TOM1L1: variants seen among roughly 807,000 people sequenced by gnomAD.
TOM1L1 encodes the protein TOM1-like protein 1.
Under a neutral mutation model 63.4 loss-of-function variants are expected in TOM1L1, and 64 were observed. That is an observed-to-expected ratio of 1.01 (90% confidence interval 0.83 to 1.24). The LOEUF (loss-of-function observed/expected upper bound fraction) is 1.24. Among genes scored for constraint, TOM1L1 ranks in the 50% most tolerant of loss-of-function variants. The pLI, the probability that TOM1L1 is intolerant of heterozygous loss-of-function variation, is 0.00. For missense variants in TOM1L1, 536 were observed against 567.0 expected (o/e 0.95, Z 0.55); for synonymous variants, 166 against 194.4 (o/e 0.85, Z 1.22).
intron 14 of TOM1L1, among the ~76,000 whole-genome samples, chr17:54,955,743 G>A (rs2049468282): frequency 6.6e-6 from 1 of 152,170 alleles, no homozygotes; most frequent in Non-Finnish European, 1.5e-5. Flanking sequence ...TGGATCCCTT[G>A]ACCTAGGTCC....
intron 14 of TOM1L1, chr17:54,954,442 T>C (rs1435391942): frequency 2.0e-5 from 3 of 152,254 alleles, no homozygotes; most frequent in Admixed American, 2.0e-4. Context: ...GTTCCCACTA[T>C]GAGTGGTGCT....
At chr17:54,923,456 G>A (rs1047344591) in intron 7 of TOM1L1, among the ~76,000 whole-genome samples, 2 of 151,482 alleles carry the variant, frequency 1.3e-5, no homozygotes, top group Admixed American at 1.3e-4. Context: ...TCTCATTATG[G>A]TTTTGATTTT....
At chr17:54,953,599 T>C (rs1037589369) in intron 14 of TOM1L1, 3 of 152,198 alleles carry the variant, frequency 2.0e-5, no homozygotes, top group Non-Finnish European at 4.4e-5. Flanking sequence ...CCAGTAAGCA[T>C]ATTGTTTGGG....
chr17:54,961,711 A>G lies in TOM1L1; in HGVS notation c.*478A>G, dbSNP rs1296910348. On this transcript the variant is annotated 3_prime_UTR_variant, in exon 16 of 16. Coordinates refer to ENST00000575882, the MANE Select transcript of TOM1L1 (RefSeq NM_005486.3). The stretch of plus-strand genomic sequence containing the variant: ...TGTAAAAGTCAATTTGCACTTCTTT[A>G]TAATCCTCTGGTTTAGAATTATAAA... 6.7e-6 allele frequency: 7 copies of G among 1,039,348 alleles called. No individual in the cohort carries two copies. The Admixed American group carries it at 1.6e-4, about 24-fold the overall frequency. 64.4% of individuals were successfully genotyped at this position (1,039,348 alleles called of 1,614,324 possible).
chr17:54,929,741 G>GTTTT lies in TOM1L1; in HGVS notation c.721-320_721-317dup, dbSNP rs61518775. Among the ~76,000 whole-genome samples, 311 of 142,020 alleles carry GTTTT rather than the reference G, an allele frequency of 2.2e-3. 9 individuals are homozygous for GTTTT. In the Middle Eastern group the frequency reaches 0.023, roughly 10 times the overall value. 93.2% of individuals were successfully genotyped at this position (142,020 alleles called of 152,430 possible). On this transcript the variant is annotated intron_variant, in intron 7 of 15. Transcript: ENST00000575882. ...GAAAACTGAGATTTAAAAAACATGT[G>GTTTT]TTTTTTTTTTTTTTTCCCCAACATG...
At chr17:54,945,337 A>C (rs1460273668) in intron 11 of TOM1L1, among the ~76,000 whole-genome samples, 1 of 152,234 alleles carries the variant, frequency 6.6e-6, no homozygotes, top group East Asian at 1.9e-4. Flanking sequence ...TCTGAGAATT[A>C]GGACATGAGC....
chr17:54,938,016 A>G (rs2048977224), intron 10 of TOM1L1: 1 of 152,192 alleles, frequency 6.6e-6, no homozygotes, highest in Non-Finnish European at 1.5e-5. Context: ...CGGAGTAAAA[A>G]TATTCAGTAT....
chr17:54,948,716 T>A (rs1467174115), intron 12 of TOM1L1, among the ~76,000 whole-genome samples: 3 of 152,248 alleles, frequency 2.0e-5, no homozygotes, highest in African/African-American at 4.8e-5. Context: ...GTTTATTGCT[T>A]TATTAATAGT....
rs750343270 is a variant in TOM1L1, at chr17:54,961,228, A to G, written c.*2-7A>G. ...GAATACTGGCCATTTTCTTCTCTTT[A>G]TTTTAGAAGAAAGTGGATGATCAGC... On this transcript the variant is annotated splice_polypyrimidine_tract_variant and splice_region_variant and intron_variant, in intron 15 of 15. Transcript: ENST00000575882. The G allele has an allele frequency of 9.3e-6, 14 of 1,509,294 alleles. No homozygotes were observed. Among genetic ancestry groups the G allele is most frequent in the African/African-American group, 2.8e-5 (2 of 72,336 alleles). 93.5% of individuals were successfully genotyped at this position (1,509,294 alleles called of 1,614,324 possible).
At chr17:54,920,845 T>G (rs2048672190) in intron 7 of TOM1L1, among the ~76,000 whole-genome samples, 1 of 152,216 alleles carries the variant, frequency 6.6e-6, no homozygotes, top group Non-Finnish European at 1.5e-5. Context: ...ATTAGGATTT[T>G]TTAAACTTTG....
intron 11 of TOM1L1, 118 bp from the exon 12 acceptor site, chr17:54,947,143 C>A: frequency 2.2e-6 from 2 of 909,486 alleles, no homozygotes; most frequent in Non-Finnish European, 3.5e-6. Context: ...CAAAATGACA[C>A]TTTATGCAGT....
At chr17:54,959,441 G>C (rs940612971) in intron 14 of TOM1L1, 3 of 151,890 alleles carry the variant, frequency 2.0e-5, no homozygotes, top group African/African-American at 4.8e-5. Context: ...TTGCACCACT[G>C]CACTCCAGCC....
chr17:54,942,125 C>T (rs1454282906), intron 11 of TOM1L1, among the ~76,000 whole-genome samples: 1 of 151,950 alleles, frequency 6.6e-6, no homozygotes, highest in Admixed American at 6.6e-5. Flanking sequence ...GAGACAGAGT[C>T]TTACTTTGTC....
intron 11 of TOM1L1, among the ~76,000 whole-genome samples, chr17:54,943,222 G>A (rs2143927168): frequency 6.6e-6 from 1 of 152,046 alleles, no homozygotes; most frequent in East Asian, 1.9e-4. Flanking sequence ...CCTATAGTTG[G>A]TTCATGCATT....
intron 1 of TOM1L1, 51 bp downstream of exon 1, chr17:54,900,974 C>G: frequency 1.2e-6 from 2 of 1,610,702 alleles, no homozygotes; most frequent in Non-Finnish European, 1.7e-6. Flanking sequence ...CCGTGGGATC[C>G]TTTCCTGCTT....
chr17:54,903,447 G>A (rs905612271), intron 1 of TOM1L1, among the ~76,000 whole-genome samples: 2 of 152,236 alleles, frequency 1.3e-5, no homozygotes, highest in Admixed American at 1.3e-4. Flanking sequence ...AGATTTAGCT[G>A]GCCTGGCCTG....
rs747279255 is a variant in TOM1L1 at position 54,930,085 on chromosome 17, A to G, written c.733A>G (p.Thr245Ala). 6.2e-7 allele frequency: 1 copy of G among 1,614,006 alleles called. No individual in the cohort carries two copies. Among genetic ancestry groups the G allele is most frequent in the East Asian group, 2.2e-5 (1 of 44,880 alleles). The change falls in exon 8 of 16, where the codon ACA (threonine) becomes GCA (alanine). Residue 245 changes from threonine to alanine, a missense_variant. Physicochemically the swap from Thr to Ala is moderately conservative, Grantham distance 58. Coordinates refer to ENST00000575882, the MANE Select transcript of TOM1L1 (RefSeq NM_005486.3). ...DIELLQKLYK[T>A]GREMQERIMD... is the part of the protein sequence containing the mutation. ...CTTTCTTTGACAGAAACTCTATAAA[A>G]CAGGTCGGGAGATGCAGGAGAGGAT... is the stretch of plus-strand genomic sequence containing the variant.
chr17:54,936,599 C>T (rs761397230), intron 8 of TOM1L1, 50 bp from the exon 9 acceptor site: 1 of 1,456,808 alleles, frequency 6.9e-7, no homozygotes, highest in South Asian at 1.3e-5. Flanking sequence ...ATTTTTATAG[C>T]ATTTTCATAT....
chr17:54,951,396 G>A (rs1360155738), intron 14 of TOM1L1, among the ~76,000 whole-genome samples: 3 of 152,164 alleles, frequency 2.0e-5, no homozygotes, highest in Admixed American at 2.0e-4. Context: ...GAAGCTTCTT[G>A]ATGTCAGCAT....
Sources: allele counts gnomAD v4.1 joint callset (sites outside exome capture counted in the v4.1 genomes callset), GRCh38; gene constraint gnomAD v4.1.1; transcripts MANE v1.5; gene names NCBI Gene and HGNC (gene_info 2026-07-23, HGNC 2026-07-21).